GABRB2: variants seen among roughly 807,000 people sequenced by gnomAD.
GABRB2 encodes the protein gamma-aminobutyric acid type A receptor subunit beta2, also known as gamma-aminobutyric acid receptor subunit beta-2.
In GABRB2, 16 loss-of-function variants were observed where a neutral mutation model predicts 54.7. That is an observed-to-expected ratio of 0.29 (90% CI 0.20 to 0.44). The LOEUF is 0.44. Among genes scored for constraint, GABRB2 ranks in the 20% least tolerant of loss-of-function variants. GABRB2 has a pLI of 1.00. For synonymous variants in GABRB2, 244 were observed against 233.8 expected, an observed-to-expected ratio of 1.04 and a Z score of -0.40; for missense variants, 355 against 644.0, an observed-to-expected ratio of 0.55 and a Z score of 4.86.
chr5:161,378,830 A>T (rs962908833), intron 5 of GABRB2, among the ~76,000 whole-genome samples: 2 of 152,206 alleles, frequency 1.3e-5, no homozygotes, highest in Non-Finnish European at 2.9e-5. Flanking sequence ...CAAAAGTGAG[A>T]GCTATTAAAA....
intron 5 of GABRB2, among the ~76,000 whole-genome samples, chr5:161,341,833 G>A (rs562584360): frequency 6.7e-6 from 1 of 149,132 alleles, no homozygotes; most frequent in Non-Finnish European, 1.5e-5. Context: ...TTTTAGAATT[G>A]TTTTACTGTG....
intron 9 of GABRB2, among the ~76,000 whole-genome samples, chr5:161,306,502 C>T (rs116300201): frequency 1.6e-3 from 241 of 152,300 alleles, no homozygotes; most frequent in African/African-American, 5.7e-3. Context: ...CTAATGCAAA[C>T]CTTATGGCAG....
chr5:161,355,324 T>C lies in GABRB2; in HGVS notation c.542-18555A>G, dbSNP rs372163942. 7.2e-4 allele frequency among the ~76,000 whole-genome samples: 107 copies of C among 148,362 alleles called. No homozygotes were observed. The East Asian group carries it at 0.015, about 21-fold the overall frequency. ...ATGTTATATAAAAATACATTAAATA[T>C]ATTATATAACATATGGTATATATGA... On this transcript the variant is annotated intron_variant, in intron 5 of 9. Coordinates refer to ENST00000393959, the MANE Select transcript of GABRB2 (RefSeq NM_001371727.1).
chr5:161,313,764 C>A (rs1210926535), intron 9 of GABRB2, among the ~76,000 whole-genome samples: 1 of 152,140 alleles, frequency 6.6e-6, no homozygotes, highest in East Asian at 1.9e-4. Context: ...CCCCATTTTA[C>A]AAATGAGGGA....
intron 9 of GABRB2, among the ~76,000 whole-genome samples, chr5:161,313,413 T>A (rs1053503156): frequency 2.0e-5 from 3 of 152,024 alleles, no homozygotes; most frequent in Admixed American, 6.5e-5. Flanking sequence ...ACTGTGTGAA[T>A]CTTTTCCTCA....
intron 3 of GABRB2, among the ~76,000 whole-genome samples, chr5:161,472,134 C>A (rs1206753012): frequency 6.6e-6 from 1 of 151,818 alleles, no homozygotes; most frequent in Non-Finnish European, 1.5e-5. Flanking sequence ...CAGATTAAAT[C>A]TACAAATGTT....
intron 3 of GABRB2, among the ~76,000 whole-genome samples, chr5:161,475,022 ACACC>A (rs1758554064): frequency 6.6e-6 from 1 of 152,074 alleles, no homozygotes; most frequent in East Asian, 1.9e-4. Context: ...AAATGTCAAC[ACACC>A]AGCTGGAGAG....
At chr5:161,459,546 G>T in intron 4 of GABRB2, 78 bp downstream of exon 4, 1 of 1,185,830 alleles carries the variant, frequency 8.4e-7, no homozygotes, top group Non-Finnish European at 1.2e-6. Context: ...AAGGAAAATA[G>T]CACAATATTT....
At chr5:161,298,484 G>A (rs1007184553) in intron 9 of GABRB2, among the ~76,000 whole-genome samples, 3 of 152,148 alleles carry the variant, frequency 2.0e-5, no homozygotes, top group African/African-American at 7.2e-5. Flanking sequence ...CATAGCAGAT[G>A]CTCAATAAGT....
intron 3 of GABRB2, among the ~76,000 whole-genome samples, chr5:161,489,484 AG>A (rs769715970): frequency 1.3e-5 from 2 of 151,744 alleles, no homozygotes; most frequent in African/African-American, 2.4e-5. Flanking sequence ...CAAACAGAGT[AG>A]ATAAATTTGT....
chr5:161,308,080 C>A (rs1757752771), intron 9 of GABRB2, among the ~76,000 whole-genome samples: 1 of 152,036 alleles, frequency 6.6e-6, no homozygotes, highest in Non-Finnish European at 1.5e-5. Flanking sequence ...CCAGGATGGT[C>A]TCGATCTCCT....
At chr5:161,450,710 T>TA (rs1048914500) in intron 4 of GABRB2, among the ~76,000 whole-genome samples, 1 of 152,090 alleles carries the variant, frequency 6.6e-6, no homozygotes, top group Non-Finnish European at 1.5e-5. Context: ...TTCCTTGCTA[T>TA]AAAAAAAGGA....
intron 5 of GABRB2, among the ~76,000 whole-genome samples, chr5:161,373,750 C>T (rs1755200344): frequency 1.3e-5 from 2 of 152,072 alleles, no homozygotes; most frequent in Non-Finnish European, 2.9e-5. Flanking sequence ...TATTCTACAG[C>T]TTTTCCTCCT....
Position 161,432,796 on chromosome 5 carries a change from G to A in GABRB2, c.459-21739C>T, listed in dbSNP as rs115721529. The stretch of plus-strand genomic sequence containing the variant: ...GGCTCCCCAGAAACTGCTGTTCCCC[G>A]AGAGTCACCACACCGCTGACTGCCA... On this transcript the variant is annotated intron_variant, in intron 4 of 9. Coordinates refer to ENST00000393959, the MANE Select transcript of GABRB2 (RefSeq NM_001371727.1). 2.4e-3 allele frequency among the ~76,000 whole-genome samples: 368 copies of A among 152,084 alleles called. 2 individuals are homozygous for A. The highest frequency in any genetic ancestry group is 7.7e-3 in the African/African-American group (321 of 41,496).
chr5:161,337,875 G>T (rs1001072337), intron 5 of GABRB2, among the ~76,000 whole-genome samples: 4 of 152,098 alleles, frequency 2.6e-5, no homozygotes, highest in African/African-American at 9.7e-5. Context: ...TTTGCATCTG[G>T]ATAGTTGATG....
chr5:161,468,789 C>T (rs1390576415), intron 3 of GABRB2, among the ~76,000 whole-genome samples: 2 of 151,786 alleles, frequency 1.3e-5, no homozygotes, highest in Non-Finnish European at 2.9e-5. Flanking sequence ...GAATGAAAGA[C>T]ACCACATAGA....
In GABRB2 at chr5:161,403,119, A is replaced by T. The variant is rs1412584518; in HGVS notation, c.541+7856T>A. Among the ~76,000 whole-genome samples the T allele has an allele frequency of 2.0e-5, 3 of 152,148 alleles. No individual in the cohort carries two copies. In the East Asian group the frequency reaches 5.8e-4, roughly 29 times the overall value. The stretch of plus-strand genomic sequence containing the variant: ...ACTGGCTGTGGTGATTTAACCCAGG[A>T]TTACAACGTAAGAAAGCCCCTTAAC... On this transcript the variant is annotated intron_variant, in intron 5 of 9. Coordinates refer to ENST00000393959, the MANE Select transcript of GABRB2 (RefSeq NM_001371727.1).
chr5:161,456,147 A>T (rs907842884), intron 4 of GABRB2, among the ~76,000 whole-genome samples: 3 of 152,196 alleles, frequency 2.0e-5, no homozygotes, highest in African/African-American at 7.2e-5. Flanking sequence ...TTTCTTGGTC[A>T]CTGCCTTGAT....
At chr5:161,331,187 T>C (rs956233816) in intron 7 of GABRB2, 60 bp from the exon 8 acceptor site, 4 of 1,492,720 alleles carry the variant, frequency 2.7e-6, no homozygotes, top group Non-Finnish European at 3.6e-6. Context: ...TCTTTCTTAA[T>C]AGCTGGAAAG....
Sources: gnomAD v4.1 joint callset for allele counts (sites outside exome capture counted in the v4.1 genomes callset) on GRCh38, gnomAD v4.1.1 for gene constraint, MANE v1.5 for transcripts, NCBI Gene and HGNC (gene_info 2026-07-23, HGNC 2026-07-21) for gene names.